The following SLC26A7 variants were observed in gnomAD, a reference collection of about 807,000 sequenced individuals.
SLC26A7 encodes the protein solute carrier family 26 member 7.
In SLC26A7, 59 loss-of-function variants were observed where a neutral mutation model predicts 82.5. The ratio of observed to expected loss-of-function variants is 0.72; its 90% confidence interval spans 0.58 to 0.89. The LOEUF (loss-of-function observed/expected upper bound fraction) is 0.89, where lower values mean the gene tolerates loss of function less well. Ranked by LOEUF, SLC26A7 falls within the 40% of genes least tolerant of loss-of-function variation. SLC26A7 has a pLI of 0.00. For missense variants in SLC26A7, 820 were observed against 793.0 expected (o/e 1.03, Z -0.41); for synonymous variants, 271 against 274.3 (o/e 0.99, Z 0.12).
intron 2 of SLC26A7, among the ~76,000 whole-genome samples, chr8:91,235,713 G>A (rs1271646526): frequency 6.6e-6 from 1 of 152,082 alleles, no homozygotes; most frequent in Non-Finnish European, 1.5e-5. Context: ...CACAAACTCA[G>A]GAAATACTTC....
intron 15 of SLC26A7, among the ~76,000 whole-genome samples, chr8:91,385,710 G>A (rs192404384): frequency 6.6e-6 from 1 of 152,104 alleles, no homozygotes; most frequent in Admixed American, 6.5e-5. Flanking sequence ...ACAATGGAAG[G>A]GACATTTTAA....
At chr8:91,219,514 A>G (rs1810123952) in intron 2 of SLC26A7, among the ~76,000 whole-genome samples, 1 of 152,144 alleles carries the variant, frequency 6.6e-6, no homozygotes. Context: ...GACTGTTTTT[A>G]ATTTTTTTTT....
chr8:91,375,053 G>A (rs575619056), intron 15 of SLC26A7, among the ~76,000 whole-genome samples: 116 of 151,672 alleles, frequency 7.6e-4, no homozygotes, highest in African/African-American at 2.5e-3. Context: ...TACAAGAATA[G>A]AAACTCCTGT....
chr8:91,385,682 G>T (rs557144730), intron 15 of SLC26A7, among the ~76,000 whole-genome samples: 25 of 152,260 alleles, frequency 1.6e-4, no homozygotes, highest in African/African-American at 5.5e-4. Context: ...AGCAAACATG[G>T]CATGAACACA....
intron 2 of SLC26A7, among the ~76,000 whole-genome samples, chr8:91,240,798 G>A (rs954518739): frequency 1.3e-5 from 2 of 152,108 alleles, no homozygotes; most frequent in Non-Finnish European, 2.9e-5. Context: ...TCCTGGGAAA[G>A]CATGAATGCT....
chr8:91,343,800 T>G (rs1018472854), intron 9 of SLC26A7: 1 of 238,016 alleles, frequency 4.2e-6, no homozygotes, highest in Admixed American at 6.5e-5. Context: ...TTTTGTTAAC[T>G]TCCTTTAAAT....
intron 2 of SLC26A7, among the ~76,000 whole-genome samples, chr8:91,231,232 G>T (rs1038014623): frequency 6.6e-6 from 1 of 152,154 alleles, no homozygotes; most frequent in South Asian, 2.1e-4. Flanking sequence ...ATAAGCAAAG[G>T]CATGGATTCT....
Position 91,322,336 on chromosome 8 carries a change from A to G in SLC26A7, c.642+3956A>G, listed in dbSNP as rs546104009. The stretch of plus-strand genomic sequence containing the variant: ...TATAAACCCATTTAATAAATTATAA[A>G]CAGTGTTGCAATATATTTTAAAATA... On this transcript the variant is annotated intron_variant, in intron 5 of 18. Coordinates refer to ENST00000276609, the MANE Select transcript of SLC26A7 (RefSeq NM_052832.4). 3.9e-5 allele frequency among the ~76,000 whole-genome samples: 6 copies of G among 152,266 alleles called. No homozygotes were observed. The East Asian group carries it at 9.6e-4, about 24-fold the overall frequency.
At chr8:91,258,245 T>A (rs1329078125) in intron 2 of SLC26A7, among the ~76,000 whole-genome samples, 2 of 152,136 alleles carry the variant, frequency 1.3e-5, no homozygotes, top group Non-Finnish European at 2.9e-5. Context: ...TATATTTCCA[T>A]CTTAACTCTT....
At chr8:91,364,321 G>A (rs955017621) in intron 13 of SLC26A7, among the ~76,000 whole-genome samples, 4 of 152,086 alleles carry the variant, frequency 2.6e-5, no homozygotes, top group African/African-American at 9.7e-5. Context: ...TAAGGACAGA[G>A]TAAACTGGCC....
rs113027279 is a variant in SLC26A7, at chr8:91,273,908, A to G, written c.194-15228A>G. On this transcript the variant is annotated intron_variant, in intron 2 of 18. Coordinates refer to ENST00000276609, the MANE Select transcript of SLC26A7 (RefSeq NM_052832.4). ...GTTAGTTGAGGACCTTGTAATTCAT[A>G]TCTTATGTCCCTTTGTATCTCTCAT... Among the ~76,000 whole-genome samples the G allele has an allele frequency of 2.6e-3, 397 of 152,356 alleles. 2 individuals are homozygous for G. The highest frequency in any genetic ancestry group is 8.8e-3 in the African/African-American group (368 of 41,588).
chr8:91,358,429 A>G (rs1270726090), intron 11 of SLC26A7, among the ~76,000 whole-genome samples: 5 of 148,834 alleles, frequency 3.4e-5, no homozygotes, highest in Non-Finnish European at 7.4e-5. Flanking sequence ...CCTTGGGTTC[A>G]TGCCATTCTC....
At chr8:91,313,319 C>T (rs1812539770) in intron 4 of SLC26A7, among the ~76,000 whole-genome samples, 1 of 152,050 alleles carries the variant, frequency 6.6e-6, no homozygotes, top group South Asian at 2.1e-4. Flanking sequence ...CATTTCTGGG[C>T]TATTTTATCT....
chr8:91,229,094 C>G (rs954904666), intron 2 of SLC26A7, among the ~76,000 whole-genome samples: 15 of 152,220 alleles, frequency 9.9e-5, no homozygotes, highest in African/African-American at 3.4e-4. Context: ...AATGTCAGAC[C>G]AAGCTCTTCC....
chr8:91,253,565 A>G (rs761895012), intron 2 of SLC26A7, among the ~76,000 whole-genome samples: 1 of 152,094 alleles, frequency 6.6e-6, no homozygotes, highest in Non-Finnish European at 1.5e-5. Context: ...TAATGAACCT[A>G]TATTTTCTCT....
intron 2 of SLC26A7, among the ~76,000 whole-genome samples, chr8:91,239,027 A>C (rs997551316): frequency 7.9e-5 from 12 of 152,254 alleles, no homozygotes; most frequent in African/African-American, 2.9e-4. Context: ...AGTGCAATAA[A>C]ATCTTGTTTT....
chr8:91,245,790 A>T (rs1368673802), upstream of SLC26A7, among the ~76,000 whole-genome samples: 4 of 152,146 alleles, frequency 2.6e-5, no homozygotes, highest in African/African-American at 9.7e-5. Context: ...CCTGCACAGC[A>T]TTTCTCAAAA....
At chr8:91,349,704 C>T (rs944786355) in intron 9 of SLC26A7, among the ~76,000 whole-genome samples, 2 of 152,264 alleles carry the variant, frequency 1.3e-5, no homozygotes, top group Admixed American at 1.3e-4. Flanking sequence ...TGCATGTGTA[C>T]AAAGTTCATT....
At chr8:91,378,659 T>C (rs116931814) in intron 15 of SLC26A7, among the ~76,000 whole-genome samples, 251 of 151,820 alleles carry the variant, frequency 1.7e-3, no homozygotes, top group Non-Finnish European at 3.1e-3. Context: ...CTCTCTCAGA[T>C]ACCAGCTAGG....
Sources: gnomAD v4.1 joint callset for allele counts (sites outside exome capture counted in the v4.1 genomes callset) on GRCh38, gnomAD v4.1.1 for gene constraint, MANE v1.5 for transcripts, NCBI Gene and HGNC (gene_info 2026-07-23, HGNC 2026-07-21) for gene names.